The following SYT1 variants were observed in gnomAD, a reference collection of about 807,000 sequenced individuals.
SYT1 encodes synaptotagmin-1.
In SYT1, 8 loss-of-function variants were observed where a neutral mutation model predicts 44.8. That is an observed-to-expected ratio of 0.18 (90% CI 0.10 to 0.32). The LOEUF is 0.32. SYT1 is among the 10% of genes least tolerant of loss of function. The pLI is 1.00. For synonymous variants in SYT1, 154 were observed against 188.8 expected (o/e 0.82, Z 1.51); for missense variants, 286 against 509.3 (o/e 0.56, Z 4.22).
intron 4 of SYT1, among the ~76,000 whole-genome samples, chr12:79,272,587 G>A (rs576426193): frequency 6.6e-6 from 1 of 152,264 alleles, no homozygotes; most frequent in South Asian, 2.1e-4. Flanking sequence ...AGGAGATAAA[G>A]GATGCACAAA....
At chr12:79,428,495 C>G (rs563887971) in intron 9 of SYT1, among the ~76,000 whole-genome samples, 3 of 152,258 alleles carry the variant, frequency 2.0e-5, no homozygotes, top group African/African-American at 7.2e-5. Flanking sequence ...GATGCATACC[C>G]CATGTCTGAG....
chr12:79,422,698 GA>G (rs1260578208), intron 9 of SYT1, among the ~76,000 whole-genome samples: 1 of 151,694 alleles, frequency 6.6e-6, no homozygotes, highest in Admixed American at 6.6e-5. Context: ...CTCTCTCTGG[GA>G]TTTGTTAGAT....
rs1555194728 is a variant in SYT1 at position 79,064,926 on chromosome 12, G to GAGAAAGAAAGAAAAAAAGAA, written c.-18+17577_-18+17578insAAAAGAAAGAAAGAAAGAAA. ...CCCACTCTTTAGACAAAAAAATAGA[G>GAGAAAGAAAGAAAAAAAGAA]AGAAAGAAAGAAAGAAAGAAAGAAA... On this transcript the variant is annotated intron_variant, in intron 3 of 10. Coordinates refer to ENST00000261205, the MANE Select transcript of SYT1 (RefSeq NM_005639.3). 9.9e-5 allele frequency among the ~76,000 whole-genome samples: 11 copies of GAGAAAGAAAGAAAAAAAGAA among 111,530 alleles called. 1 individual carries two copies. The East Asian group carries it at 3.1e-3, about 32-fold the overall frequency. 73.2% of individuals were successfully genotyped at this position (111,530 alleles called of 152,430 possible).
chr12:79,042,866 C>T (rs1449481629), intron 2 of SYT1, among the ~76,000 whole-genome samples: 2 of 151,784 alleles, frequency 1.3e-5, no homozygotes, highest in African/African-American at 2.4e-5. Flanking sequence ...TTTATTTCTG[C>T]CTTCATTTTG....
intron 9 of SYT1, among the ~76,000 whole-genome samples, chr12:79,426,111 C>CTT (rs1869433191): frequency 6.6e-6 from 1 of 151,752 alleles, no homozygotes; most frequent in Admixed American, 6.6e-5. Flanking sequence ...TTTCTGAAAC[C>CTT]AGACTTGGAG....
intron 1 of SYT1, among the ~76,000 whole-genome samples, chr12:78,887,886 G>A (rs1565702838): frequency 6.6e-6 from 1 of 151,714 alleles, no homozygotes; most frequent in Admixed American, 6.6e-5. Flanking sequence ...GTATAATATT[G>A]TTAACTTATT....
intron 3 of SYT1, among the ~76,000 whole-genome samples, chr12:79,131,948 GT>G (rs1868850240): frequency 6.6e-6 from 1 of 152,102 alleles, no homozygotes. Context: ...TTTAGTTGAA[GT>G]TTTTTATTCC....
intron 1 of SYT1, among the ~76,000 whole-genome samples, chr12:78,900,252 C>G: frequency 6.6e-6 from 1 of 152,016 alleles, no homozygotes; most frequent in East Asian, 1.9e-4. Context: ...TTTAAATTGA[C>G]GCTTTGCCAG....
Position 79,451,214 on chromosome 12 carries a change from GCATAGA to G in SYT1, c.*2095_*2100del, listed in dbSNP as rs1401409685. ...AGACATAGCAAACGCTTTATAATTG[GCATAGA>G]CATAAAGGATAAAAGGAAAATAACC... is the stretch of plus-strand genomic sequence containing the variant. On this transcript the variant is annotated 3_prime_UTR_variant, in exon 11 of 11. Transcript: ENST00000261205. 2.0e-5 allele frequency: 3 copies of G among 152,138 alleles called. No individual in the cohort carries two copies. The highest frequency in any genetic ancestry group is 2.9e-5 in the Non-Finnish European group (2 of 68,038). 9.4% of individuals were successfully genotyped at this position (152,138 alleles called of 1,614,324 possible). A position where few individuals can be genotyped will look rare whatever the true frequency, so the allele number is the denominator to read the frequency against.
At chr12:79,136,443 C>T (rs1056274376) in intron 3 of SYT1, among the ~76,000 whole-genome samples, 3 of 152,170 alleles carry the variant, frequency 2.0e-5, no homozygotes, top group African/African-American at 7.2e-5. Flanking sequence ...TTTTGCCAAC[C>T]TTGACCAGCT....
intron 3 of SYT1, among the ~76,000 whole-genome samples, chr12:79,084,810 G>C (rs574005553): frequency 1.6e-4 from 24 of 152,184 alleles, no homozygotes; most frequent in African/African-American, 5.5e-4. Context: ...TATAGAATTT[G>C]ATATAGATAA....
chr12:79,219,585 C>T (rs1294913333), intron 4 of SYT1, among the ~76,000 whole-genome samples: 1 of 151,932 alleles, frequency 6.6e-6, no homozygotes, highest in Non-Finnish European at 1.5e-5. Context: ...TTCCCAACAC[C>T]ATTTACTAAA....
chr12:79,019,465 T>C (rs1325799669), intron 2 of SYT1, among the ~76,000 whole-genome samples: 1 of 151,968 alleles, frequency 6.6e-6, no homozygotes, highest in Admixed American at 6.6e-5. Context: ...ATCATAATGA[T>C]AGTAATCATA....
At chr12:79,180,821 C>G (rs949352055) in intron 3 of SYT1, among the ~76,000 whole-genome samples, 3 of 152,046 alleles carry the variant, frequency 2.0e-5, no homozygotes, top group Non-Finnish European at 4.4e-5. Context: ...TATGGTTTGG[C>G]TGTGTCCCCC....
chr12:79,159,066 T>A (rs1168681625), intron 3 of SYT1, among the ~76,000 whole-genome samples: 1 of 151,930 alleles, frequency 6.6e-6, no homozygotes, highest in Non-Finnish European at 1.5e-5. Flanking sequence ...GGCGGGGAAA[T>A]TACATTAGGA....
intron 1 of SYT1, among the ~76,000 whole-genome samples, chr12:78,886,825 C>T (rs894551853): frequency 8.6e-5 from 13 of 151,848 alleles, no homozygotes; most frequent in Non-Finnish European, 1.8e-4. Context: ...TAAATAAAAG[C>T]CATGGGAAAT....
At chr12:78,877,984 T>C (rs1874264180) in intron 1 of SYT1, among the ~76,000 whole-genome samples, 1 of 151,848 alleles carries the variant, frequency 6.6e-6, no homozygotes, top group African/African-American at 2.4e-5. Context: ...TGTGAATTTA[T>C]AATCCATTAT....
intron 9 of SYT1, among the ~76,000 whole-genome samples, chr12:79,358,858 G>A (rs1883212142): frequency 1.3e-5 from 2 of 152,098 alleles, no homozygotes; most frequent in African/African-American, 2.4e-5. Context: ...TGGAGACTGG[G>A]GAAAATGTTC....
intron 9 of SYT1, chr12:79,393,931 G>A (rs1884770126): frequency 6.6e-6 from 1 of 152,042 alleles, no homozygotes; most frequent in Admixed American, 6.6e-5. Context: ...GCCTTCTGGG[G>A]AAGAAATGAA....
Sources: gnomAD v4.1 joint callset for allele counts (sites outside exome capture counted in the v4.1 genomes callset) on GRCh38, gnomAD v4.1.1 for gene constraint, MANE v1.5 for transcripts, NCBI Gene and HGNC (gene_info 2026-07-23, HGNC 2026-07-21) for gene names.